The following TRIM2 variants were observed in gnomAD, a reference collection of about 807,000 sequenced individuals.
The protein encoded by TRIM2 is tripartite motif containing 2, also known as tripartite motif-containing protein 2.
In TRIM2, 20 loss-of-function variants were observed where a neutral mutation model predicts 75.2. That is an observed-to-expected ratio of 0.27 (90% CI 0.19 to 0.39). The LOEUF is 0.39. Among genes scored for constraint, TRIM2 ranks in the 10% least tolerant of loss-of-function variants. The pLI, the probability that TRIM2 is intolerant of heterozygous loss-of-function variation, is 1.00. For synonymous variants in TRIM2, 373 were observed against 388.3 expected, an observed-to-expected ratio of 0.96 and a Z score of 0.46; for missense variants, 660 against 990.8, an observed-to-expected ratio of 0.67 and a Z score of 4.48.
chr4:153,211,488 CT>C (rs112668688), intron 1 of TRIM2, among the ~76,000 whole-genome samples: 130 of 134,970 alleles, frequency 9.6e-4, no homozygotes, highest in Middle Eastern at 3.7e-3. Flanking sequence ...TTTTCTTTTT[CT>C]TTTTTTTTTT....
At chr4:153,236,664 TTTTCTTTTCTTTTCTTTTCTTTTTCC>T (rs1159803832) in intron 1 of TRIM2, among the ~76,000 whole-genome samples, 1 of 146,204 alleles carries the variant, frequency 6.8e-6, no homozygotes, top group Non-Finnish European at 1.5e-5. Context: ...TGTCTTTTTC[TTTTCTTTTCTTTTCTTTTCTTTTTCC>T]TTTCTTTTCT....
At chr4:153,293,459 GCCTT>G (rs1475845228) in intron 4 of TRIM2, among the ~76,000 whole-genome samples, 2 of 152,184 alleles carry the variant, frequency 1.3e-5, no homozygotes, top group African/African-American at 4.8e-5. Flanking sequence ...TCTCTGAGGA[GCCTT>G]CCTTATCTGC....
chr4:153,274,838 T>G (rs533032969), intron 2 of TRIM2, among the ~76,000 whole-genome samples: 2 of 152,334 alleles, frequency 1.3e-5, no homozygotes, highest in East Asian at 3.9e-4. Flanking sequence ...AAACATCTGC[T>G]GGATTCAGAC....
chr4:153,200,788 G>T (rs1156663023), upstream of TRIM2, among the ~76,000 whole-genome samples: 9 of 135,910 alleles, frequency 6.6e-5, no homozygotes, highest in Admixed American at 1.4e-4. Context: ...CCTCATTGTG[G>T]TTTTTTTTCT....
intron 6 of TRIM2, among the ~76,000 whole-genome samples, chr4:153,314,129 T>C (rs913724119): frequency 6.6e-6 from 1 of 152,092 alleles, no homozygotes; most frequent in Non-Finnish European, 1.5e-5. Context: ...CGTTAACCTG[T>C]AGATGATTTG....
intron 6 of TRIM2, among the ~76,000 whole-genome samples, chr4:153,297,196 G>C (rs1017244514): frequency 6.6e-6 from 1 of 152,162 alleles, no homozygotes; most frequent in Non-Finnish European, 1.5e-5. Flanking sequence ...TCTTCGCAAA[G>C]ACGGTGATAT....
chr4:153,273,717 C>A (rs1054370609), intron 2 of TRIM2, among the ~76,000 whole-genome samples: 1 of 152,172 alleles, frequency 6.6e-6, no homozygotes, highest in Non-Finnish European at 1.5e-5. Context: ...TCACTAACCC[C>A]CTAATTGCTC....
At chr4:153,190,154 GA>G (rs1335467587) in intron 1 of TRIM2, among the ~76,000 whole-genome samples, 2 of 152,200 alleles carry the variant, frequency 1.3e-5, no homozygotes, top group African/African-American at 4.8e-5. Context: ...AGTTTCTCAG[GA>G]AAGCTAGTGA....
At chr4:153,228,191 T>C (rs1392794508) in intron 1 of TRIM2, among the ~76,000 whole-genome samples, 1 of 152,220 alleles carries the variant, frequency 6.6e-6, no homozygotes, top group Admixed American at 6.5e-5. Context: ...ACTGTGTGGA[T>C]GCTTCATCTG....
intron 1 of TRIM2, among the ~76,000 whole-genome samples, chr4:153,244,167 T>TCTGCTTCTG (rs1747572846): frequency 2.8e-5 from 4 of 142,948 alleles, no homozygotes; most frequent in African/African-American, 8.7e-5. Flanking sequence ...TTCTTCTTCT[T>TCTGCTTCTG]CTTCTTCTTC....
At chr4:153,271,227 A>G (rs1179435847) in intron 2 of TRIM2, among the ~76,000 whole-genome samples, 2 of 151,946 alleles carry the variant, frequency 1.3e-5, no homozygotes, top group African/African-American at 4.8e-5. Context: ...ATATTTCCCT[A>G]GTAAAGTTAT....
rs1749835204 is a variant in TRIM2 at position 153,248,164 on chromosome 4, T to A, written c.31-22171T>A. 6.6e-6 allele frequency among the ~76,000 whole-genome samples: 1 copy of A among 151,970 alleles called. No individual in the cohort carries two copies. Among genetic ancestry groups the A allele is most frequent in the Non-Finnish European group, 1.5e-5 (1 of 68,012 alleles). Reference sequence around the variant, plus strand: ...GCGCCTGCCACCATGCCCGGCTAATTTTTATACTTTTAATAGAGACAGGGT... The same window carrying A: ...GCGCCTGCCACCATGCCCGGCTAATATTTATACTTTTAATAGAGACAGGGT... On this transcript the variant is annotated intron_variant, in intron 1 of 11. Coordinates refer to ENST00000338700, the MANE Select transcript of TRIM2 (RefSeq NM_015271.5). This position sits in a 1 kb window ranked among gnomAD's most constrained non-coding sequence, Gnocchi z 4.0.
At chr4:153,169,112 G>A (rs190488269) in intron 1 of TRIM2, among the ~76,000 whole-genome samples, 19 of 152,266 alleles carry the variant, frequency 1.2e-4, no homozygotes, top group Admixed American at 9.8e-4. Flanking sequence ...TTCTCATAGT[G>A]TTGATTCTTC....
At chr4:153,201,333 T>A (rs1734347729), upstream of TRIM2, among the ~76,000 whole-genome samples, 1 of 152,146 alleles carries the variant, frequency 6.6e-6, no homozygotes, top group African/African-American at 2.4e-5. Flanking sequence ...TTGTTGGACA[T>A]TTATGTATTA....
chr4:153,323,800 C>T (rs4261971), intron 9 of TRIM2, among the ~76,000 whole-genome samples: 2 of 152,130 alleles, frequency 1.3e-5, no homozygotes, highest in Admixed American at 6.5e-5. Context: ...AGAATGAATT[C>T]TGATGCTTAC....
At chr4:153,164,874 T>A (rs2149601325) in intron 1 of TRIM2, among the ~76,000 whole-genome samples, 1 of 152,348 alleles carries the variant, frequency 6.6e-6, no homozygotes, top group African/African-American at 2.4e-5. Context: ...CTGAGTCAAG[T>A]AGTTTACTAT....
chr4:153,308,693 A>C (rs950534261), intron 6 of TRIM2: 10 of 564,454 alleles, frequency 1.8e-5, no homozygotes, highest in Non-Finnish European at 3.6e-5. Context: ...ACTGACCCAA[A>C]TGCACTTGGG....
At position 153,338,907 on chromosome 4, in the gene TRIM2, G is replaced by A. The variant is rs986133976; in HGVS notation, c.*3941G>A. ...TTCTTGTAATAGAATTCTTTATATC[G>A]TTCTCAATTCTATAGACTTTCAAGC... is the stretch of plus-strand genomic sequence containing the variant. On this transcript the variant is annotated 3_prime_UTR_variant, in exon 12 of 12. Transcript: ENST00000338700. 8.1e-5 allele frequency: 80 copies of A among 983,394 alleles called. No homozygotes were observed. The highest frequency in any genetic ancestry group is 1.8e-4 in the African/African-American group (10 of 56,704). The allele number at this position is 983,394 out of a possible 1,614,324, so 60.9% of individuals were successfully genotyped here. A position where few individuals can be genotyped will look rare whatever the true frequency, so the allele number is the denominator to read the frequency against.
intron 1 of TRIM2, among the ~76,000 whole-genome samples, chr4:153,165,706 G>A (rs763509627): frequency 6.6e-6 from 1 of 152,122 alleles, no homozygotes; most frequent in African/African-American, 2.4e-5. Context: ...CCATGATTCT[G>A]TACCACTCTC....
Sources: gnomAD v4.1 joint callset for allele counts (sites outside exome capture counted in the v4.1 genomes callset) on GRCh38, gnomAD v4.1.1 for gene constraint, Gnocchi (gnomAD v3.1) non-coding constraint, MANE v1.5 for transcripts, NCBI Gene and HGNC (gene_info 2026-07-23, HGNC 2026-07-21) for gene names.